SLC35F4: variants seen among roughly 807,000 people sequenced by gnomAD.
SLC35F4 encodes chromosome 14 open reading frame 36.
Under a neutral mutation model 44.2 loss-of-function variants are expected in SLC35F4, and 24 were observed. That is an observed-to-expected ratio of 0.54 (90% CI 0.39 to 0.76). SLC35F4 has a LOEUF of 0.76. Ranked by LOEUF, SLC35F4 falls within the 30% of genes least tolerant of loss-of-function variation. The probability of loss-of-function intolerance (pLI) is 0.00; values close to 1 mark genes in which losing one functional copy is unlikely to be tolerated. For synonymous variants in SLC35F4, 238 were observed against 223.6 expected, an observed-to-expected ratio of 1.06 and a Z score of -0.57; for missense variants, 562 against 586.1, an observed-to-expected ratio of 0.96 and a Z score of 0.42.
intron 1 of SLC35F4, among the ~76,000 whole-genome samples, chr14:57,689,633 A>C (rs1297128469): frequency 6.6e-6 from 1 of 151,598 alleles, no homozygotes; most frequent in African/African-American, 2.4e-5. Flanking sequence ...AGACTATCAC[A>C]GGGACAAAAA....
chr14:57,745,444 A>C (rs1566816880), intron 1 of SLC35F4, among the ~76,000 whole-genome samples: 1 of 152,266 alleles, frequency 6.6e-6, no homozygotes, highest in African/African-American at 2.4e-5. Flanking sequence ...GACACTTTTC[A>C]AAAGAAGACA....
chr14:57,836,116 G>A (rs1200347479), intron 1 of SLC35F4, among the ~76,000 whole-genome samples: 1 of 152,150 alleles, frequency 6.6e-6, no homozygotes, highest in Non-Finnish European at 1.5e-5. Flanking sequence ...ATTTCTCAAT[G>A]AGAAGCTTGA....
chr14:57,860,174 G>A (rs1188901490), intron 1 of SLC35F4, among the ~76,000 whole-genome samples: 4 of 152,230 alleles, frequency 2.6e-5, no homozygotes, highest in South Asian at 4.2e-4. Context: ...AGCCAGAAGC[G>A]GGTAGAGTTC....
chr14:57,764,995 G>A (rs569453811), intron 1 of SLC35F4, among the ~76,000 whole-genome samples: 34 of 152,254 alleles, frequency 2.2e-4, no homozygotes, highest in African/African-American at 7.7e-4. Context: ...ATTTAAACAT[G>A]TATAGACACA....
At chr14:57,811,816 CA>C (rs553668589) in intron 1 of SLC35F4, among the ~76,000 whole-genome samples, 4 of 151,636 alleles carry the variant, frequency 2.6e-5, no homozygotes, top group Admixed American at 6.6e-5. Flanking sequence ...CCTGTTTTTA[CA>C]AAAAAAATTT....
At chr14:57,913,352 T>A (rs1889253421) in intron 1 of SLC35F4, among the ~76,000 whole-genome samples, 1 of 152,146 alleles carries the variant, frequency 6.6e-6, no homozygotes, top group Non-Finnish European at 1.5e-5. Context: ...CTTACTTTTA[T>A]CTTCTATACT....
At chr14:57,709,373 C>A (rs1012236022) in intron 1 of SLC35F4, among the ~76,000 whole-genome samples, 36 of 152,090 alleles carry the variant, frequency 2.4e-4, no homozygotes, top group Non-Finnish European at 2.9e-5. Flanking sequence ...CTCACTATGT[C>A]CCCTCAGCTC....
intron 1 of SLC35F4, among the ~76,000 whole-genome samples, chr14:57,639,835 A>C (rs530564106): frequency 6.6e-6 from 1 of 152,074 alleles, no homozygotes; most frequent in East Asian, 1.9e-4. Flanking sequence ...GGCCTTACTG[A>C]TATTTGGAGT....
chr14:57,857,830 G>A (rs938374299), intron 1 of SLC35F4, among the ~76,000 whole-genome samples: 1 of 152,042 alleles, frequency 6.6e-6, no homozygotes, highest in African/African-American at 2.4e-5. Flanking sequence ...GCTTTCTGCA[G>A]GGTGATGAAG....
chr14:57,821,136 A>G (rs1883133210), intron 1 of SLC35F4, among the ~76,000 whole-genome samples: 1 of 152,200 alleles, frequency 6.6e-6, no homozygotes, highest in Non-Finnish European at 1.5e-5. Flanking sequence ...GCCAAAGGCA[A>G]AAACAATGCT....
chr14:57,666,403 G>C (rs1159350741), intron 1 of SLC35F4, among the ~76,000 whole-genome samples: 2 of 152,160 alleles, frequency 1.3e-5, no homozygotes, highest in Admixed American at 1.3e-4. Flanking sequence ...CCTCCAGCCA[G>C]CAAAAAGCCA....
In SLC35F4 at chr14:57,968,381, T is replaced by A. The variant is rs544774925; in HGVS notation, n.282+13532A>T. Reference sequence around the variant, plus strand: ...CCCATTACACAATGGCACAACTACATCTACCTCACTCTTTTTACCTGCTGT... The same window carrying A: ...CCCATTACACAATGGCACAACTACAACTACCTCACTCTTTTTACCTGCTGT... On this transcript the variant is annotated intron_variant and non_coding_transcript_variant, in intron 1 of 1. Coordinates refer to the SLC35F4 transcript ENST00000556568. Among the ~76,000 whole-genome samples the A allele has an allele frequency of 1.2e-4, 19 of 152,308 alleles. No homozygotes were observed. In the South Asian group the frequency reaches 1.5e-3, roughly 12 times the overall value.
chr14:57,638,643 C>T (rs766667572), intron 1 of SLC35F4, among the ~76,000 whole-genome samples: 27 of 151,982 alleles, frequency 1.8e-4, no homozygotes, highest in African/African-American at 6.3e-4. Flanking sequence ...ATTTTTCAGT[C>T]GACATGTGTT....
At chr14:57,881,542 G>A (rs1374468287) in intron 1 of SLC35F4, among the ~76,000 whole-genome samples, 1 of 151,908 alleles carries the variant, frequency 6.6e-6, no homozygotes, top group Non-Finnish European at 1.5e-5. Flanking sequence ...TTTTAAAATG[G>A]GCATAATAAC....
chr14:57,679,258 C>G (rs538290216), intron 1 of SLC35F4, among the ~76,000 whole-genome samples: 5 of 152,184 alleles, frequency 3.3e-5, no homozygotes, highest in Non-Finnish European at 5.9e-5. Flanking sequence ...ACCGAACAAC[C>G]TGCTCCTGAA....
At chr14:57,691,838 C>G (rs1361522791) in intron 1 of SLC35F4, among the ~76,000 whole-genome samples, 1 of 151,858 alleles carries the variant, frequency 6.6e-6, no homozygotes, top group Non-Finnish European at 1.5e-5. Context: ...CTTAGATGAA[C>G]AATGCTACGG....
intron 1 of SLC35F4, among the ~76,000 whole-genome samples, chr14:57,703,372 A>G (rs1421757509): frequency 2.0e-5 from 3 of 152,336 alleles, no homozygotes; most frequent in African/African-American, 7.2e-5. Flanking sequence ...TTTGCAGTGC[A>G]TGGCTCTCAA....
chr14:57,666,158 G>A lies in SLC35F4; in HGVS notation c.104-72034C>T, dbSNP rs2074301177. Among the ~76,000 whole-genome samples, 4 of 152,336 alleles carry A rather than the reference G, an allele frequency of 2.6e-5. No homozygotes were observed. The South Asian group carries it at 6.2e-4, about 24-fold the overall frequency. On this transcript the variant is annotated intron_variant, in intron 1 of 7. Coordinates refer to ENST00000556826, the MANE Select transcript of SLC35F4 (RefSeq NM_001306087.2). ...AAAGCTTGTCATAGGAAAGTCCTTT[G>A]TTGTGTGTACAGACAGAAACTAAGG...
intron 1 of SLC35F4, among the ~76,000 whole-genome samples, chr14:57,852,256 G>A (rs1349179580): frequency 6.6e-6 from 1 of 152,182 alleles, no homozygotes; most frequent in Non-Finnish European, 1.5e-5. Flanking sequence ...GAGGAATGTT[G>A]AGGGGCCAGA....
Sources: allele counts gnomAD v4.1 joint callset (sites outside exome capture counted in the v4.1 genomes callset), GRCh38; gene constraint gnomAD v4.1.1; transcripts MANE v1.5; gene names NCBI Gene and HGNC (gene_info 2026-07-23, HGNC 2026-07-21).